The following ARHGEF28 variants were observed in gnomAD, a reference collection of about 807,000 sequenced individuals.
ARHGEF28 encodes Rho guanine nucleotide exchange factor 28, also known as 190 kDa guanine nucleotide exchange factor.
In ARHGEF28, 152 loss-of-function variants were observed where a neutral mutation model predicts 206.6. The ratio of observed to expected loss-of-function variants is 0.74; its 90% confidence interval spans 0.64 to 0.84. The LOEUF (loss-of-function observed/expected upper bound fraction) is 0.84. Ranked by LOEUF, ARHGEF28 falls within the 40% of genes least tolerant of loss-of-function variation. ARHGEF28 has a pLI of 0.00. For missense variants in ARHGEF28, 2,028 were observed against 2,073.2 expected (o/e 0.98, Z 0.42); for synonymous variants, 763 against 776.4 (o/e 0.98, Z 0.29).
chr5:73,775,838 A>G (rs1168061512), intron 5 of ARHGEF28, among the ~76,000 whole-genome samples: 2 of 152,232 alleles, frequency 1.3e-5, no homozygotes, highest in African/African-American at 4.8e-5. Context: ...AAATGTACAA[A>G]TGTTCTCAGC....
intron 33 of ARHGEF28, among the ~76,000 whole-genome samples, chr5:73,906,519 G>A (rs969774929): frequency 6.6e-6 from 1 of 152,164 alleles, no homozygotes; most frequent in Non-Finnish European, 1.5e-5. Context: ...ACTGCACCCA[G>A]CCCCACAAGA....
intron 35 of ARHGEF28, among the ~76,000 whole-genome samples, chr5:73,926,730 G>T (rs753795758): frequency 2.6e-5 from 4 of 152,202 alleles, no homozygotes; most frequent in African/African-American, 9.7e-5. Context: ...CTGGAAGCTT[G>T]CTCTCTTTGG....
At chr5:73,917,984 G>T (rs549174283) in intron 35 of ARHGEF28, among the ~76,000 whole-genome samples, 92 of 152,146 alleles carry the variant, frequency 6.0e-4, no homozygotes, top group Non-Finnish European at 1.0e-3. Flanking sequence ...TGACTGATGG[G>T]GTAATGATCC....
At chr5:73,936,684 A>G (rs1266664105) in intron 35 of ARHGEF28, among the ~76,000 whole-genome samples, 2 of 152,202 alleles carry the variant, frequency 1.3e-5, no homozygotes, top group Non-Finnish European at 2.9e-5. Context: ...AAAAGATTTT[A>G]TTCACATCAC....
At chr5:73,754,475 T>G (rs1752196375) in intron 4 of ARHGEF28, among the ~76,000 whole-genome samples, 1 of 152,170 alleles carries the variant, frequency 6.6e-6, no homozygotes, top group Non-Finnish European at 1.5e-5. Flanking sequence ...GGGTGGTGTT[T>G]GTTCTGCTTG....
intron 1 of ARHGEF28, among the ~76,000 whole-genome samples, chr5:73,660,845 G>A (rs374411614): frequency 2.0e-5 from 3 of 152,136 alleles, no homozygotes; most frequent in African/African-American, 7.2e-5. Flanking sequence ...AAGATGTACT[G>A]TCATCCAGGC....
chr5:73,862,674 G>A (rs183733904), intron 16 of ARHGEF28, among the ~76,000 whole-genome samples: 22 of 151,692 alleles, frequency 1.5e-4, no homozygotes, highest in African/African-American at 2.7e-4. Context: ...ACTCTCCCCC[G>A]GCCCAGCCTC....
chr5:73,747,046 A>G (rs879373639), intron 2 of ARHGEF28, among the ~76,000 whole-genome samples: 7 of 152,146 alleles, frequency 4.6e-5, no homozygotes, highest in African/African-American at 7.2e-5. Flanking sequence ...TTTGCCTAGC[A>G]TGCTTCTTAT....
intron 1 of ARHGEF28, among the ~76,000 whole-genome samples, chr5:73,681,262 G>A (rs1209734593): frequency 6.6e-6 from 1 of 152,118 alleles, no homozygotes; most frequent in Non-Finnish European, 1.5e-5. Context: ...ATCTTGAAGT[G>A]CAGCAGACAT....
chr5:73,701,187 T>G (rs1204920161), intron 2 of ARHGEF28, among the ~76,000 whole-genome samples: 1 of 152,244 alleles, frequency 6.6e-6, no homozygotes, highest in African/African-American at 2.4e-5. Flanking sequence ...TGAAATCAGA[T>G]TTTTAAATAC....
chr5:73,684,697 T>C (rs1317351027), intron 1 of ARHGEF28, 144 bp from the exon 2 acceptor site: 2 of 546,160 alleles, frequency 3.7e-6, no homozygotes, highest in Non-Finnish European at 6.3e-6. Context: ...TCTTAGTCCT[T>C]TATTCTTTCA....
At position 73,887,634 on chromosome 5, in the gene ARHGEF28, G is replaced by A; in HGVS notation, c.3342G>A (p.Leu1114=). ...TAGCTCTACTTCTAACTGATGTGCT[G>A]CTCTTTTTACAAGAAAAAGACCAGA... ...DILALLLTDV[L]LFLQEKDQKY... The change falls in exon 26 of 36, where the codon CTG becomes CTA. Residue 1114 remains leucine (L), a synonymous_variant. Coordinates refer to ENST00000513042, the MANE Select transcript of ARHGEF28 (RefSeq NM_001177693.2). The A allele has an allele frequency of 6.4e-7, 1 of 1,572,862 alleles. No individual in the cohort carries two copies. Among genetic ancestry groups the A allele is most frequent in the Non-Finnish European group, 8.6e-7 (1 of 1,157,592 alleles).
intron 35 of ARHGEF28, among the ~76,000 whole-genome samples, chr5:73,912,448 T>C (rs1246529085): frequency 5.3e-5 from 8 of 152,222 alleles, no homozygotes; most frequent in African/African-American, 1.9e-4. Flanking sequence ...AGTTTGTCAG[T>C]TGGAGGATAA....
chr5:73,862,391 T>G (rs536889576), intron 16 of ARHGEF28, among the ~76,000 whole-genome samples: 1 of 152,348 alleles, frequency 6.6e-6, no homozygotes, highest in Non-Finnish European at 1.5e-5. Context: ...TGCATGTCTT[T>G]AATTTAGCTA....
At position 73,891,800 on chromosome 5, in the gene ARHGEF28, C is replaced by T. The variant is rs1761657542; in HGVS notation, c.3388-252C>T. ...TCGGCCTCCCAAAGTGCTGGGATTA[C>T]AGGAGGGAGCCGTTGGGCCCGGCCT... is the stretch of plus-strand genomic sequence containing the variant. On this transcript the variant is annotated intron_variant, in intron 26 of 35. Coordinates refer to ENST00000513042, the MANE Select transcript of ARHGEF28 (RefSeq NM_001177693.2). 2.6e-5 allele frequency among the ~76,000 whole-genome samples: 4 copies of T among 152,280 alleles called. No individual in the cohort carries two copies. In the South Asian group the frequency reaches 8.3e-4, roughly 32 times the overall value.
chr5:73,924,049 T>G (rs1263305143), intron 35 of ARHGEF28, among the ~76,000 whole-genome samples: 1 of 152,206 alleles, frequency 6.6e-6, no homozygotes, highest in East Asian at 1.9e-4. Flanking sequence ...CATGTTCCTG[T>G]GAGGAACTGC....
intron 33 of ARHGEF28, among the ~76,000 whole-genome samples, chr5:73,907,792 A>C (rs1000360469): frequency 6.6e-6 from 1 of 152,240 alleles, no homozygotes; most frequent in Non-Finnish European, 1.5e-5. Context: ...CGATCTTCAG[A>C]TTCCAGCTCT....
intron 2 of ARHGEF28, among the ~76,000 whole-genome samples, chr5:73,708,316 T>C (rs1486724330): frequency 6.6e-6 from 1 of 152,110 alleles, no homozygotes; most frequent in Non-Finnish European, 1.5e-5. Flanking sequence ...CTGAGCATAG[T>C]AGCCAATAGG....
chr5:73,837,044 A>G (rs1292261223), intron 10 of ARHGEF28, among the ~76,000 whole-genome samples: 1 of 152,122 alleles, frequency 6.6e-6, no homozygotes, highest in Non-Finnish European at 1.5e-5. Context: ...TGTCAGTACC[A>G]TAATGTTTTG....
Sources: allele counts gnomAD v4.1 joint callset (sites outside exome capture counted in the v4.1 genomes callset), GRCh38; gene constraint gnomAD v4.1.1; transcripts MANE v1.5; gene names NCBI Gene and HGNC (gene_info 2026-07-23, HGNC 2026-07-21).